IQCJ: variants seen among roughly 807,000 people sequenced by gnomAD.
IQCJ encodes the protein IQ domain-containing protein J.
A neutral mutation model predicts 11.0 loss-of-function variants in IQCJ; 9 were observed. That is an observed-to-expected ratio of 0.82 (90% CI 0.49 to 1.43). The LOEUF is 1.43. Ranked by LOEUF, IQCJ falls within the 40% of genes most tolerant of loss-of-function variation. The probability of loss-of-function intolerance (pLI) is 0.00; values close to 1 mark genes in which losing one functional copy is unlikely to be tolerated. For synonymous variants in IQCJ, 55 were observed against 51.3 expected, an observed-to-expected ratio of 1.07 and a Z score of -0.31; for missense variants, 146 against 133.2, an observed-to-expected ratio of 1.10 and a Z score of -0.47.
intron 1 of IQCJ, among the ~76,000 whole-genome samples, chr3:159,208,178 G>T (rs13085707): frequency 0.13 from 20,247 of 152,156 alleles, 1,522 homozygotes; most frequent in Middle Eastern, 0.2. Flanking sequence ...CCTGACAGAT[G>T]ATAGAAAGGG....
intron 1 of IQCJ, among the ~76,000 whole-genome samples, chr3:159,227,848 C>T (rs1725951336): frequency 6.6e-6 from 1 of 152,094 alleles, no homozygotes; most frequent in Non-Finnish European, 1.5e-5. Flanking sequence ...ATGCAATCCT[C>T]AATTTTAAGA....
chr3:159,104,206 C>T (rs1336669423), intron 1 of IQCJ, among the ~76,000 whole-genome samples: 2 of 152,244 alleles, frequency 1.3e-5, no homozygotes, highest in African/African-American at 4.8e-5. Context: ...CCCACTTCAG[C>T]CCTCTTGTTG....
intron 1 of IQCJ, among the ~76,000 whole-genome samples, chr3:159,088,550 G>A (rs1480289553): frequency 6.6e-6 from 1 of 152,196 alleles, no homozygotes; most frequent in Non-Finnish European, 1.5e-5. Flanking sequence ...ATGTGTGGGA[G>A]TCTAAGTCTC....
At chr3:159,078,134 A>G (rs1412239401) in intron 1 of IQCJ, among the ~76,000 whole-genome samples, 1 of 81,818 alleles carries the variant, frequency 1.2e-5, no homozygotes, top group East Asian at 2.7e-4. Context: ...CATTAAATCA[A>G]AAGCATTAGA....
At chr3:159,161,039 A>G (rs1304808985) in intron 1 of IQCJ, among the ~76,000 whole-genome samples, 2 of 152,298 alleles carry the variant, frequency 1.3e-5, no homozygotes, top group East Asian at 3.9e-4. Flanking sequence ...TCCTTTGGGT[A>G]TATACCCAGT....
chr3:159,081,705 A>C (rs1285670126), intron 1 of IQCJ, among the ~76,000 whole-genome samples: 1 of 152,102 alleles, frequency 6.6e-6, no homozygotes, highest in Non-Finnish European at 1.5e-5. Flanking sequence ...TCTTCTTCAC[A>C]GTCCTTCCGA....
chr3:159,174,420 C>T (rs964251629), intron 1 of IQCJ, among the ~76,000 whole-genome samples: 7 of 151,994 alleles, frequency 4.6e-5, no homozygotes, highest in Non-Finnish European at 1.0e-4. Flanking sequence ...AATTAATGTA[C>T]ACAGGAGCAC....
At chr3:159,082,715 T>C (rs1048831292) in intron 1 of IQCJ, among the ~76,000 whole-genome samples, 4 of 152,060 alleles carry the variant, frequency 2.6e-5, no homozygotes, top group Non-Finnish European at 5.9e-5. Context: ...TCTGTCATCA[T>C]GAGTCAATAC....
At chr3:159,145,979 G>T (rs1256980129) in intron 1 of IQCJ, among the ~76,000 whole-genome samples, 52 of 152,178 alleles carry the variant, frequency 3.4e-4, no homozygotes, top group Non-Finnish European at 4.4e-5. Flanking sequence ...TTCTTCGAAG[G>T]CTACATGAAG....
At chr3:159,105,377 G>T (rs1718190286) in intron 1 of IQCJ, among the ~76,000 whole-genome samples, 1 of 152,152 alleles carries the variant, frequency 6.6e-6, no homozygotes, top group Non-Finnish European at 1.5e-5. Flanking sequence ...GGAGCTGTAG[G>T]CTGACGGGGA....
intron 1 of IQCJ, among the ~76,000 whole-genome samples, chr3:159,131,456 G>A (rs1719984109): frequency 6.6e-6 from 1 of 152,094 alleles, no homozygotes; most frequent in African/African-American, 2.4e-5. Flanking sequence ...AGAAAGTTAT[G>A]GGAAAGAAGC....
intron 1 of IQCJ, among the ~76,000 whole-genome samples, chr3:159,140,236 A>C (rs1314546566): frequency 1.3e-5 from 2 of 152,218 alleles, no homozygotes; most frequent in Non-Finnish European, 2.9e-5. Context: ...GTATAATGAC[A>C]TGTACCTACC....
chr3:159,176,151 G>A (rs1463176228), intron 1 of IQCJ, among the ~76,000 whole-genome samples: 1 of 151,960 alleles, frequency 6.6e-6, no homozygotes, highest in African/African-American at 2.4e-5. Flanking sequence ...TTAATATTCA[G>A]TTGTAGAAGT....
At chr3:159,241,104 GT>G (rs1007549845) in intron 1 of IQCJ, among the ~76,000 whole-genome samples, 1 of 151,328 alleles carries the variant, frequency 6.6e-6, no homozygotes, top group East Asian at 2.0e-4. Flanking sequence ...AACTGAAAGT[GT>G]TTTTTTTAAA....
intron 1 of IQCJ, among the ~76,000 whole-genome samples, chr3:159,196,131 A>T (rs1723969030): frequency 6.6e-6 from 1 of 152,208 alleles, no homozygotes; most frequent in Admixed American, 6.5e-5. Context: ...CACACAGCTA[A>T]GTAAGTAGTG....
intron 1 of IQCJ, among the ~76,000 whole-genome samples, chr3:159,162,634 G>A (rs925842887): frequency 6.6e-6 from 1 of 152,122 alleles, no homozygotes; most frequent in Non-Finnish European, 1.5e-5. Flanking sequence ...GAATCCAGGA[G>A]CTGGTTTTTT....
At chr3:159,073,528 A>G (rs932558472) in intron 1 of IQCJ, among the ~76,000 whole-genome samples, 3 of 152,112 alleles carry the variant, frequency 2.0e-5, no homozygotes, top group African/African-American at 7.2e-5. Context: ...TGTCTCACCC[A>G]GTCCCCAGAA....
At chr3:159,134,054 A>G (rs982728099) in intron 1 of IQCJ, among the ~76,000 whole-genome samples, 2 of 151,972 alleles carry the variant, frequency 1.3e-5, no homozygotes, top group African/African-American at 4.8e-5. Flanking sequence ...AAAGCAGAAG[A>G]AGACTGAGGG....
intron 1 of IQCJ, among the ~76,000 whole-genome samples, chr3:159,107,917 G>A (rs1366915232): frequency 2.8e-5 from 4 of 140,682 alleles, no homozygotes; most frequent in African/African-American, 1.1e-4. Context: ...CTCCCCTGAA[G>A]AACTCACTGC....
Sources: gnomAD v4.1 joint callset for allele counts (sites outside exome capture counted in the v4.1 genomes callset) on GRCh38, gnomAD v4.1.1 for gene constraint, MANE v1.5 for transcripts, NCBI Gene and HGNC (gene_info 2026-07-23, HGNC 2026-07-21) for gene names.